USP54: variants seen among roughly 807,000 people sequenced by gnomAD.
USP54 encodes ubiquitin specific peptidase 54, also known as ubiquitin carboxyl-terminal hydrolase 54.
A neutral mutation model predicts 170.5 loss-of-function variants in USP54; 87 were observed. The observed-to-expected ratio is 0.51, with a 90% CI of 0.43 to 0.61. The LOEUF is 0.61. Ranked by LOEUF, USP54 falls within the 20% of genes least tolerant of loss-of-function variation. The pLI is 0.00. For missense variants in USP54, 1,786 were observed against 2,047.8 expected (o/e 0.87, Z 2.47); for synonymous variants, 655 against 742.8 (o/e 0.88, Z 1.92).
intron 1 of USP54, among the ~76,000 whole-genome samples, chr10:73,618,427 A>C (rs1227539078): frequency 1.3e-5 from 2 of 150,076 alleles, no homozygotes; most frequent in Non-Finnish European, 2.9e-5. Flanking sequence ...AGACCCAGCT[A>C]ATTTTTTAAA....
At chr10:73,565,548 C>G (rs1021382319) in intron 4 of USP54, among the ~76,000 whole-genome samples, 3 of 152,114 alleles carry the variant, frequency 2.0e-5, no homozygotes, top group Admixed American at 2.0e-4. Flanking sequence ...CTTAGCCTAC[C>G]TACTCTGAGG....
Position 73,517,298 on chromosome 10 carries a change from G to T in USP54, c.3128C>A (p.Ala1043Asp). ...ANPSPVMPGI[A>D]TSERGDEHSL... ...GTGTTCATCACCCCTCTCAGAGGTG[G>T]CTATTCCAGGCATCACCGGGGAGGG... The change falls in exon 20 of 24, where the codon GCC becomes GAC. Residue 1043 changes from alanine (A) to aspartate (D), a missense_variant. Physicochemically the swap from Ala to Asp is moderately radical, Grantham distance 126 (BLOSUM62 -2). Coordinates refer to ENST00000687698, the MANE Select transcript of USP54 (RefSeq NM_001391956.1). 1 of 1,612,968 alleles carries T rather than the reference G, an allele frequency of 6.2e-7. No homozygotes were observed. The highest frequency in any genetic ancestry group is 8.5e-7 in the Non-Finnish European group (1 of 1,179,424).
At chr10:73,592,042 C>T (rs2078297052), upstream of USP54, among the ~76,000 whole-genome samples, 1 of 151,858 alleles carries the variant, frequency 6.6e-6, no homozygotes, top group Non-Finnish European at 1.5e-5. Flanking sequence ...GGAAAGATCT[C>T]CACCCCTCTC....
chr10:73,530,001 TTA>T, intron 14 of USP54, 90 bp from the exon 15 acceptor site: 1 of 1,488,910 alleles, frequency 6.7e-7, no homozygotes, highest in South Asian at 1.4e-5. Context: ...CTCTAGCTAC[TTA>T]TTCACTGAAC....
chr10:73,506,887 G>A (rs1384365606), intron 20 of USP54: 1 of 139,118 alleles, frequency 7.2e-6, no homozygotes, highest in African/African-American at 3.3e-5. Context: ...CTAATCCTGA[G>A]AAGAAGAAGA....
At chr10:73,546,891 T>C (rs1190259595) in intron 4 of USP54, among the ~76,000 whole-genome samples, 1 of 152,182 alleles carries the variant, frequency 6.6e-6, no homozygotes, top group East Asian at 1.9e-4. Context: ...TCTACCAATA[T>C]ATAGTAAAAA....
intron 4 of USP54, among the ~76,000 whole-genome samples, chr10:73,551,493 G>C (rs2069340253): frequency 6.6e-6 from 1 of 152,122 alleles, no homozygotes; most frequent in Non-Finnish European, 1.5e-5. Flanking sequence ...TTGGATATGT[G>C]TCCAGTGACC....
intron 4 of USP54, among the ~76,000 whole-genome samples, chr10:73,550,419 T>G (rs1206594406): frequency 1.3e-5 from 2 of 152,182 alleles, no homozygotes; most frequent in African/African-American, 4.8e-5. Flanking sequence ...CTGATCACCC[T>G]CTTTAAAATT....
intron 4 of USP54, among the ~76,000 whole-genome samples, chr10:73,554,391 T>C (rs528573027): frequency 6.6e-5 from 10 of 152,330 alleles, no homozygotes; most frequent in South Asian, 2.1e-4. Context: ...CTGGGAATCA[T>C]AGAACTTAAT....
At chr10:73,553,353 T>A (rs2070080036) in intron 4 of USP54, 1 of 152,112 alleles carries the variant, frequency 6.6e-6, no homozygotes, top group Admixed American at 6.6e-5. Flanking sequence ...AAGAAGCAAG[T>A]GTATTAGGGG....
chr10:73,521,106 C>T, intron 17 of USP54, 79 bp from the exon 18 acceptor site: 1 of 1,580,440 alleles, frequency 6.3e-7, no homozygotes, highest in African/African-American at 1.3e-5. Context: ...CTTCAGTACA[C>T]AGAGATCCTT....
intron 1 of USP54, among the ~76,000 whole-genome samples, chr10:73,615,867 C>T (rs186960293): frequency 2.3e-5 from 3 of 131,276 alleles, no homozygotes; most frequent in East Asian, 4.5e-4. Context: ...CTGTAGTGAG[C>T]GAAATCACTC....
At chr10:73,526,270 T>C (rs886260494) in intron 16 of USP54, among the ~76,000 whole-genome samples, 1 of 152,074 alleles carries the variant, frequency 6.6e-6, no homozygotes, top group Non-Finnish European at 1.5e-5. Flanking sequence ...TTTTTTGAAA[T>C]GGAGTCTCAC....
At chr10:73,617,018 C>A (rs1423109394) in intron 1 of USP54, among the ~76,000 whole-genome samples, 2 of 150,678 alleles carry the variant, frequency 1.3e-5, no homozygotes, top group East Asian at 3.9e-4. Context: ...AGATGTTAGG[C>A]TGGGCACAGT....
At chr10:73,542,935 T>C in intron 6 of USP54, 50 bp from the exon 7 acceptor site, 1 of 1,612,154 alleles carries the variant, frequency 6.2e-7, no homozygotes, top group Non-Finnish European at 8.5e-7. Flanking sequence ...TCAGGAACTG[T>C]TTTGGCACCC....
upstream of USP54, among the ~76,000 whole-genome samples, chr10:73,595,069 G>A (rs959077118): frequency 1.3e-4 from 20 of 151,984 alleles, no homozygotes; most frequent in Non-Finnish European, 7.4e-5. Context: ...GGGATTACAG[G>A]TGCACACCAC....
In USP54 at chr10:73,616,660, A is replaced by T. The variant is rs1358643614; in HGVS notation, c.-18+8907T>A. ...GGAACTTAAAATTAAATTAAATTCT[A>T]AAAAAAATACAAAAATTATCTGGGC... On this transcript the variant is annotated intron_variant, in intron 1 of 22. Transcript: ENST00000339859. 2.0e-5 allele frequency among the ~76,000 whole-genome samples: 3 copies of T among 149,830 alleles called. 1 individual carries two copies. The highest frequency in any genetic ancestry group is 7.6e-5 in the African/African-American group (3 of 39,406).
chr10:73,603,059 T>G lies in USP54; in HGVS notation c.-18+22508A>C, dbSNP rs916312071. Among the ~76,000 whole-genome samples the G allele has an allele frequency of 6.6e-5, 10 of 152,052 alleles. No homozygotes were observed. The South Asian group carries it at 2.1e-3, about 32-fold the overall frequency. ...GAACTCATCCCACCCTAATTAGCCT[T>G]CCCCAGGACCTTTGCAGTATTTTTA... On this transcript the variant is annotated intron_variant, in intron 1 of 22. Coordinates refer to the USP54 transcript ENST00000339859.
intron 1 of USP54, among the ~76,000 whole-genome samples, chr10:73,577,162 T>A (rs1289393811): frequency 1.3e-5 from 2 of 152,218 alleles, no homozygotes; most frequent in African/African-American, 4.8e-5. Context: ...GCCATGTCCA[T>A]CTACATAAGG....
Sources: gnomAD v4.1 joint callset for allele counts (sites outside exome capture counted in the v4.1 genomes callset) on GRCh38, gnomAD v4.1.1 for gene constraint, MANE v1.5 for transcripts, NCBI Gene and HGNC (gene_info 2026-07-23, HGNC 2026-07-21) for gene names.